SPATA13: variants seen among roughly 807,000 people sequenced by gnomAD.
SPATA13 encodes the protein spermatogenesis associated 13, also known as spermatogenesis-associated protein 13.
A neutral mutation model predicts 104.0 loss-of-function variants in SPATA13; 50 were observed. The observed-to-expected ratio is 0.48, with a 90% CI of 0.38 to 0.61. The LOEUF is 0.61. SPATA13 is among the 20% of genes least tolerant of loss of function. The pLI, the probability that SPATA13 is intolerant of heterozygous loss-of-function variation, is 0.00. For synonymous variants in SPATA13, 606 were observed against 667.5 expected, an observed-to-expected ratio of 0.91 and a Z score of 1.42; for missense variants, 1,524 against 1,690.6, an observed-to-expected ratio of 0.90 and a Z score of 1.73.
intron 3 of SPATA13, among the ~76,000 whole-genome samples, chr13:24,094,329 A>G (rs1880003335): frequency 6.6e-6 from 1 of 152,210 alleles, no homozygotes; most frequent in African/African-American, 2.4e-5. Context: ...TTCCACGGGT[A>G]CATTTAGTGA....
At chr13:24,233,884 TAAACAC>T (rs1872421478) in intron 2 of SPATA13, among the ~76,000 whole-genome samples, 1 of 82,446 alleles carries the variant, frequency 1.2e-5, no homozygotes, top group Non-Finnish European at 2.4e-5. Flanking sequence ...TTTATACACT[TAAACAC>T]ACACACACAC....
chr13:24,096,419 A>T (rs1880087291), intron 3 of SPATA13, among the ~76,000 whole-genome samples: 1 of 151,942 alleles, frequency 6.6e-6, no homozygotes. Flanking sequence ...AACATGGCAA[A>T]ACCCTGTCTC....
At chr13:24,152,865 C>T (rs1369416417) in intron 3 of SPATA13, among the ~76,000 whole-genome samples, 3 of 152,178 alleles carry the variant, frequency 2.0e-5, no homozygotes, top group Admixed American at 2.0e-4. Flanking sequence ...TCCTCTCCTC[C>T]CTCAAATGTT....
Position 24,046,744 on chromosome 13 carries a change from T to C in SPATA13, c.-112+29043T>C, listed in dbSNP as rs79987004. Among the ~76,000 whole-genome samples, 477 of 152,168 alleles carry C rather than the reference T, an allele frequency of 3.1e-3. 3 individuals are homozygous for C. The highest frequency in any genetic ancestry group is 0.011 in the African/African-American group (451 of 41,474). ...TTTATGAATAAAGCTTATATGAACA[T>C]TCTTGTACATCTTTGGTAAACATAC... On this transcript the variant is annotated intron_variant, in intron 3 of 14. Transcript: ENST00000424834.
At chr13:24,272,087 C>T (rs114258825) in intron 4 of SPATA13, among the ~76,000 whole-genome samples, 10 of 152,302 alleles carry the variant, frequency 6.6e-5, no homozygotes, top group Non-Finnish European at 8.8e-5. Context: ...AGCGGACGTG[C>T]GGGTGCTCCC....
At chr13:24,285,613 T>G (rs1199780606) in intron 5 of SPATA13, among the ~76,000 whole-genome samples, 1 of 150,346 alleles carries the variant, frequency 6.7e-6, no homozygotes. Context: ...GCCTTCCAGG[T>G]TCAAGCAATT....
At chr13:24,073,745 C>T (rs1468023455) in intron 3 of SPATA13, among the ~76,000 whole-genome samples, 1 of 152,244 alleles carries the variant, frequency 6.6e-6, no homozygotes, top group African/African-American at 2.4e-5. Flanking sequence ...TTTAAATAAA[C>T]TTCTCTCCTG....
chr13:24,163,183 G>T (rs183108275), intron 1 of SPATA13, among the ~76,000 whole-genome samples: 14 of 152,280 alleles, frequency 9.2e-5, no homozygotes, highest in Admixed American at 2.6e-4. Context: ...GATTGCTTGA[G>T]CCCAGGAGTT....
intron 2 of SPATA13, among the ~76,000 whole-genome samples, chr13:24,003,866 T>C (rs1034676694): frequency 1.4e-4 from 22 of 152,294 alleles, no homozygotes; most frequent in Middle Eastern, 3.4e-3. Context: ...AAAAACACAA[T>C]ATACATCAGC....
chr13:24,220,320 G>C (rs1392603419), intron 1 of SPATA13, among the ~76,000 whole-genome samples: 1 of 152,132 alleles, frequency 6.6e-6, no homozygotes, highest in Non-Finnish European at 1.5e-5. Context: ...GTGGTGTCAG[G>C]AAGCTGTCTA....
chr13:24,290,647 C>G lies in SPATA13; in HGVS notation c.2848-5C>G. On this transcript the variant is annotated splice_region_variant and splice_polypyrimidine_tract_variant and intron_variant, in intron 8 of 12. Transcript: ENST00000382108. ...AGCTGACGAAGCTGTACTTTTCCTT[C>G]CCAGCAAGAGGGCTTTGCCATCTAT... 1 of 1,613,146 alleles carries G rather than the reference C, an allele frequency of 6.2e-7. No homozygotes were observed.
intron 4 of SPATA13, among the ~76,000 whole-genome samples, chr13:24,259,306 C>T (rs1337038459): frequency 4.6e-5 from 7 of 152,262 alleles, no homozygotes; most frequent in Non-Finnish European, 1.0e-4. Flanking sequence ...CTTCCACCCA[C>T]GTGGCCGCCA....
chr13:24,254,247 A>C (rs1873665573), intron 4 of SPATA13: 1 of 152,146 alleles, frequency 6.6e-6, no homozygotes. Flanking sequence ...CACTAAATTC[A>C]GTTTCAACAG....
intron 3 of SPATA13, among the ~76,000 whole-genome samples, chr13:24,063,794 T>G (rs759045197): frequency 1.1e-4 from 17 of 152,110 alleles, no homozygotes; most frequent in Non-Finnish European, 2.1e-4. Flanking sequence ...TCATCCAGCT[T>G]TCTTCTCTTA....
At chr13:24,017,330 C>G (rs1876762839) in intron 2 of SPATA13, among the ~76,000 whole-genome samples, 1 of 152,134 alleles carries the variant, frequency 6.6e-6, no homozygotes, top group Admixed American at 6.5e-5. Flanking sequence ...GAACCAGAAC[C>G]TACGTAAGCC....
At chr13:24,122,670 G>C in intron 3 of SPATA13, 2 of 1,067,022 alleles carry the variant, frequency 1.9e-6, no homozygotes, top group Non-Finnish European at 1.5e-6. Context: ...CTTGGTGACA[G>C]ACAGAAGTGT....
intron 3 of SPATA13, among the ~76,000 whole-genome samples, chr13:24,135,697 CAAA>C (rs34145507): frequency 1.1e-4 from 9 of 82,328 alleles, no homozygotes; most frequent in East Asian, 3.1e-4. Context: ...GAATCCGTCT[CAAA>C]AAAAAAAAAA....
chr13:24,277,039 A>T (rs1000435126), intron 4 of SPATA13, among the ~76,000 whole-genome samples: 1 of 152,252 alleles, frequency 6.6e-6, no homozygotes, highest in Non-Finnish European at 1.5e-5. Context: ...AAAAGTGTTC[A>T]AGTAGAGTGG....
chr13:24,295,476 G>T (rs1876704897), intron 10 of SPATA13, among the ~76,000 whole-genome samples: 1 of 152,088 alleles, frequency 6.6e-6, no homozygotes, highest in South Asian at 2.1e-4. Context: ...GCCAGGCATG[G>T]TGGCATACAC....
Sources: allele counts gnomAD v4.1 joint callset (sites outside exome capture counted in the v4.1 genomes callset), GRCh38; gene constraint gnomAD v4.1.1; transcripts MANE v1.5; gene names NCBI Gene and HGNC (gene_info 2026-07-23, HGNC 2026-07-21).